NFIB: variants seen among roughly 807,000 people sequenced by gnomAD.
NFIB encodes nuclear factor 1 B-type.
NFIB carries 11 observed loss-of-function variants against 61.5 expected under a neutral mutation model. That is an observed-to-expected ratio of 0.18 (90% CI 0.11 to 0.30). The LOEUF (loss-of-function observed/expected upper bound fraction) is 0.30. Among genes scored for constraint, NFIB ranks in the 10% least tolerant of loss-of-function variants. NFIB has a pLI of 1.00. For missense variants in NFIB, 471 were observed against 608.9 expected (o/e 0.77, Z 2.38); for synonymous variants, 260 against 216.5 (o/e 1.20, Z -1.76).
chr9:14,363,913 T>C (rs1311184787), intron 1 of NFIB, among the ~76,000 whole-genome samples: 1 of 152,152 alleles, frequency 6.6e-6, no homozygotes, highest in East Asian at 1.9e-4. Flanking sequence ...CTCCATGAAA[T>C]TGTATTGTAT....
rs373722392 is a variant in NFIB at position 14,171,323 on chromosome 9, T to C, written c.616+8404A>G. 1.6e-4 allele frequency among the ~76,000 whole-genome samples: 24 copies of C among 152,350 alleles called. No individual in the cohort carries two copies. The East Asian group carries it at 2.5e-3, about 16-fold the overall frequency. On this transcript the variant is annotated intron_variant, in intron 3 of 10. Coordinates refer to ENST00000380953, the MANE Select transcript of NFIB (RefSeq NM_001190737.2). The stretch of plus-strand genomic sequence containing the variant: ...AGGACTATATCCACCCTACAACCTC[T>C]TGTTCATCCTTTTATCCAAACTGTT...
intron 2 of NFIB, among the ~76,000 whole-genome samples, chr9:14,263,591 G>A (rs371920365): frequency 9.2e-5 from 14 of 152,112 alleles, no homozygotes; most frequent in East Asian, 5.8e-4. Flanking sequence ...TCTGCACTGC[G>A]ACCTCAGAAG....
At chr9:14,488,559 T>C in the NFIB span, among the ~76,000 whole-genome samples, 1 of 152,080 alleles carries the variant, frequency 6.6e-6, no homozygotes, top group African/African-American at 2.4e-5. Flanking sequence ...TGGCACTGCT[T>C]TGATCAGTGG....
chr9:14,394,315 A>C (rs1326496043), intron 1 of NFIB, among the ~76,000 whole-genome samples: 1 of 152,174 alleles, frequency 6.6e-6, no homozygotes, highest in Non-Finnish European at 1.5e-5. Context: ...CAAACAAACA[A>C]ATCCCAATTA....
chr9:14,252,560 T>G (rs1319027548), intron 2 of NFIB, among the ~76,000 whole-genome samples: 1 of 152,160 alleles, frequency 6.6e-6, no homozygotes, highest in Non-Finnish European at 1.5e-5. Context: ...CTGCTTCAGT[T>G]ATAATATGTA....
intron 10 of NFIB, among the ~76,000 whole-genome samples, chr9:14,104,770 G>A: frequency 6.6e-6 from 1 of 151,708 alleles, no homozygotes; most frequent in East Asian, 1.9e-4. Context: ...AAAAATTGTA[G>A]CGATAAGATC....
At chr9:14,497,472 A>AGTTGAGAT in the NFIB span, among the ~76,000 whole-genome samples, 1 of 152,198 alleles carries the variant, frequency 6.6e-6, no homozygotes, top group East Asian at 1.9e-4. Flanking sequence ...TGGGTCCTAT[A>AGTTGAGAT]GTTGAGATTC....
At chr9:14,183,180 T>A (rs2046991834) in intron 2 of NFIB, among the ~76,000 whole-genome samples, 1 of 152,048 alleles carries the variant, frequency 6.6e-6, no homozygotes, top group Non-Finnish European at 1.5e-5. Flanking sequence ...CATGGAGAAG[T>A]GTGTGCCTAC....
rs527422057 is a variant in NFIB at position 14,093,201 on chromosome 9, C to T, written c.1468-4875G>A. ...ACAATAAGAGCTATTTTAAGAATGG[C>T]AAAAATCATTTATTACTAGCCTGTG... is the stretch of plus-strand genomic sequence containing the variant. On this transcript the variant is annotated intron_variant, in intron 10 of 10. Transcript: ENST00000380953. Among the ~76,000 whole-genome samples the T allele has an allele frequency of 6.6e-5, 10 of 151,934 alleles. No individual in the cohort carries two copies. In the South Asian group the frequency reaches 1.9e-3, roughly 28 times the overall value.
At chr9:14,360,855 C>T (rs1459064059) in intron 1 of NFIB, among the ~76,000 whole-genome samples, 1 of 151,988 alleles carries the variant, frequency 6.6e-6, no homozygotes, top group African/African-American at 2.4e-5. Context: ...CGCGCCTGGC[C>T]TTATGGTGAT....
At chr9:14,425,205 G>T in the NFIB span, among the ~76,000 whole-genome samples, 1 of 152,188 alleles carries the variant, frequency 6.6e-6, no homozygotes, top group African/African-American at 2.4e-5. Flanking sequence ...AGCGAGCCTT[G>T]CTTGAGGCCA....
the NFIB span, among the ~76,000 whole-genome samples, chr9:14,419,094 C>T: frequency 0.091 from 13,738 of 151,678 alleles, 828 homozygotes; most frequent in East Asian, 0.34. Flanking sequence ...TACTTTCAGA[C>T]CCAGAGCCAT....
At chr9:14,379,525 G>A (rs2061458593) in intron 1 of NFIB, among the ~76,000 whole-genome samples, 1 of 152,036 alleles carries the variant, frequency 6.6e-6, no homozygotes, top group East Asian at 1.9e-4. Flanking sequence ...ATAATGTTTT[G>A]TAAATAACCT....
At chr9:14,518,383 G>C in the NFIB span, among the ~76,000 whole-genome samples, 1 of 151,850 alleles carries the variant, frequency 6.6e-6, no homozygotes, top group Non-Finnish European at 1.5e-5. Flanking sequence ...ACCCATCTCT[G>C]TCACAATTCC....
chr9:14,182,979 C>G (rs967190767), intron 2 of NFIB, among the ~76,000 whole-genome samples: 3 of 151,854 alleles, frequency 2.0e-5, no homozygotes, highest in African/African-American at 7.3e-5. Context: ...TAATATTAAG[C>G]ATAGAGCCAC....
chr9:14,461,587 T>C, the NFIB span, among the ~76,000 whole-genome samples: 1 of 152,210 alleles, frequency 6.6e-6, no homozygotes, highest in Admixed American at 6.5e-5. Flanking sequence ...CTGGATATAG[T>C]ACTAACATAG....
chr9:14,347,118 G>A (rs778870247), intron 1 of NFIB, among the ~76,000 whole-genome samples: 5 of 151,420 alleles, frequency 3.3e-5, no homozygotes, highest in Non-Finnish European at 5.9e-5. Flanking sequence ...TGGAAGGCAG[G>A]CAGACGCGCG....
At chr9:14,166,221 T>C (rs1003722773) in intron 3 of NFIB, among the ~76,000 whole-genome samples, 1 of 152,212 alleles carries the variant, frequency 6.6e-6, no homozygotes, top group Non-Finnish European at 1.5e-5. Context: ...TTTATGGTTA[T>C]ACTTTCCTGT....
intron 2 of NFIB, among the ~76,000 whole-genome samples, chr9:14,207,579 G>A (rs1468632061): frequency 1.3e-5 from 2 of 152,320 alleles, no homozygotes; most frequent in African/African-American, 4.8e-5. Flanking sequence ...TGCAGGGACT[G>A]CATGTGACAC....
Sources: gnomAD v4.1 joint callset for allele counts (sites outside exome capture counted in the v4.1 genomes callset) on GRCh38, gnomAD v4.1.1 for gene constraint, MANE v1.5 for transcripts, NCBI Gene and HGNC (gene_info 2026-07-23, HGNC 2026-07-21) for gene names.